The following EFCAB3 variants were observed in gnomAD, a reference collection of about 807,000 sequenced individuals.
EFCAB3 encodes EF-hand calcium binding domain 3.
A neutral mutation model predicts 42.2 loss-of-function variants in EFCAB3; 36 were observed. The ratio of observed to expected loss-of-function variants is 0.85; its 90% CI spans 0.65 to 1.13. The LOEUF (loss-of-function observed/expected upper bound fraction) is 1.13. EFCAB3 is among the 50% of genes most tolerant of loss of function. EFCAB3 has a pLI of 0.00. For synonymous variants in EFCAB3, 170 were observed against 172.8 expected, an observed-to-expected ratio of 0.98 and a Z score of 0.13; for missense variants, 418 against 505.1, an observed-to-expected ratio of 0.83 and a Z score of 1.65.
At chr17:62,400,713 G>A (rs1228120286) in intron 6 of EFCAB3, among the ~76,000 whole-genome samples, 2 of 152,150 alleles carry the variant, frequency 1.3e-5, no homozygotes, top group African/African-American at 4.8e-5. Context: ...CTCTATAGCA[G>A]CATGATTTAT....
chr17:62,389,936 G>A (rs1231368740), intron 3 of EFCAB3, among the ~76,000 whole-genome samples: 3 of 151,978 alleles, frequency 2.0e-5, no homozygotes, highest in Admixed American at 6.6e-5. Context: ...ACAGGCACCC[G>A]CCACCACGCT....
At chr17:62,371,102 G>GA (rs10537497) in intron 1 of EFCAB3, among the ~76,000 whole-genome samples, 94 of 148,074 alleles carry the variant, frequency 6.3e-4, no homozygotes, top group East Asian at 5.2e-3. Context: ...CTTAAAAAAA[G>GA]AAAAAAAAAA....
chr17:62,395,137 G>GAA lies in EFCAB3; in HGVS notation c.437_438insAA (p.Leu147SerfsTer3), dbSNP rs1177086913. The GAA allele has an allele frequency of 6.2e-7, 1 of 1,613,914 alleles. No individual in the cohort carries two copies. The highest frequency in any genetic ancestry group is 8.5e-7 in the Non-Finnish European group (1 of 1,180,018). On this transcript the variant is annotated frameshift_variant, in exon 6 of 10. Coordinates refer to ENST00000305286, the MANE Select transcript of EFCAB3 (RefSeq NM_173503.4). LOFTEE classifies it high-confidence loss of function. ...ATCCTATTGTTTGAAATCCTATCAA[G>GAA]GCTTCTAGAGACTTCAGCCCTACCC...
chr17:62,405,280 A>G (rs942866772), intron 6 of EFCAB3, among the ~76,000 whole-genome samples: 2 of 152,250 alleles, frequency 1.3e-5, no homozygotes, highest in African/African-American at 4.8e-5. Flanking sequence ...ATCATAAGTC[A>G]GACTCTAATC....
At chr17:62,374,536 C>G (rs2070136274) in intron 2 of EFCAB3, among the ~76,000 whole-genome samples, 1 of 152,070 alleles carries the variant, frequency 6.6e-6, no homozygotes, top group South Asian at 2.1e-4. Flanking sequence ...TACATAATCT[C>G]AGTACTTTTT....
chr17:62,378,058 G>T, upstream of EFCAB3: 1 of 1,485,366 alleles, frequency 6.7e-7, no homozygotes, highest in Non-Finnish European at 9.0e-7. Context: ...GTAAAGATGG[G>T]GCTTAATACT....
intron 6 of EFCAB3, among the ~76,000 whole-genome samples, chr17:62,404,424 G>A (rs1205322023): frequency 6.6e-6 from 1 of 152,168 alleles, no homozygotes; most frequent in African/African-American, 2.4e-5. Flanking sequence ...CTTGAGTCCA[G>A]GAGTTCAAGG....
Position 62,407,028 on chromosome 17 carries a change from G to A in EFCAB3, c.683G>A (p.Arg228Lys), listed in dbSNP as rs199979458. 14 of 1,569,860 alleles carry A rather than the reference G, an allele frequency of 8.9e-6. No individual in the cohort carries two copies. The part of the protein sequence containing the change: ...DLFKFLEELK[R>K]CNSGSDSPYS... ...ACCATTTTTGTTTTTATCTTTTTAG[G>A]ATGCAATTCCGGTTCAGATAGCCCA... is the stretch of plus-strand genomic sequence containing the variant. The change falls in exon 8 of 10, where the codon AGA becomes AAA. Residue 228 changes from arginine to lysine, a missense_variant and splice_region_variant. By Grantham distance (26) the Arg-to-Lys change is conservative. Transcript: ENST00000305286.
intron 6 of EFCAB3, among the ~76,000 whole-genome samples, chr17:62,395,503 G>A (rs1164395966): frequency 6.6e-6 from 1 of 152,066 alleles, no homozygotes; most frequent in Admixed American, 6.6e-5. Flanking sequence ...ACTTTTCCAG[G>A]AATAATTTTG....
chr17:62,395,281 C>T, intron 6 of EFCAB3, 93 bp downstream of exon 6: 2 of 1,506,372 alleles, frequency 1.3e-6, no homozygotes, highest in Non-Finnish European at 1.8e-6. Flanking sequence ...TCCAACTCCA[C>T]AGGGTCTGGT....
At position 62,415,866 on chromosome 17, in the gene EFCAB3, C is replaced by A. The variant is rs573539215; in HGVS notation, c.991-137C>A. Reference sequence around the variant, plus strand: ...TCACCTCCTAGCTCACACGTCCTCACGAGGCACCACCTAATGTATAGATTC... The same window carrying A: ...TCACCTCCTAGCTCACACGTCCTCAAGAGGCACCACCTAATGTATAGATTC... On this transcript the variant is annotated intron_variant, in intron 9 of 9. Transcript: ENST00000305286. 3 of 720,260 alleles carry A rather than the reference C, an allele frequency of 4.2e-6. No individual in the cohort carries two copies. The East Asian group carries it at 8.1e-5, about 19-fold the overall frequency. The allele number at this position is 720,260 out of a possible 1,614,324, so 44.6% of individuals were successfully genotyped here. A position where few individuals can be genotyped will look rare whatever the true frequency, so the allele number is the denominator to read the frequency against.
intron 3 of EFCAB3, among the ~76,000 whole-genome samples, chr17:62,391,185 C>T (rs1195513412): frequency 1.3e-5 from 2 of 152,098 alleles, no homozygotes; most frequent in Admixed American, 6.5e-5. Flanking sequence ...TGTTGGCCAG[C>T]CTGTCCTTAG....
chr17:62,395,279 C>T, intron 6 of EFCAB3, 91 bp downstream of exon 6: 1 of 1,513,624 alleles, frequency 6.6e-7, no homozygotes, highest in South Asian at 1.3e-5. Flanking sequence ...CATCCAACTC[C>T]ACAGGGTCTG....
At chr17:62,410,852 G>T (rs1178643625) in intron 8 of EFCAB3, among the ~76,000 whole-genome samples, 2 of 152,132 alleles carry the variant, frequency 1.3e-5, no homozygotes, top group Non-Finnish European at 1.5e-5. Context: ...ATTGAAACCA[G>T]TATCTGTAAG....
intron 2 of EFCAB3, among the ~76,000 whole-genome samples, chr17:62,385,843 C>T (rs572314126): frequency 6.0e-5 from 9 of 150,156 alleles, no homozygotes; most frequent in South Asian, 2.1e-4. Context: ...CCTCAGCCTC[C>T]GAAGTAGCTG....
chr17:62,394,970 C>T (rs538032411), intron 5 of EFCAB3, 98 bp from the exon 6 acceptor site: 4 of 1,477,754 alleles, frequency 2.7e-6, no homozygotes, highest in Admixed American at 2.1e-5. Context: ...CCTCTAGTTC[C>T]TGACTTGATA....
At chr17:62,408,757 C>T (rs1038504281) in intron 8 of EFCAB3, among the ~76,000 whole-genome samples, 1 of 152,176 alleles carries the variant, frequency 6.6e-6, no homozygotes, top group Non-Finnish European at 1.5e-5. Flanking sequence ...ATCTCATCAT[C>T]CACTGCTCAC....
chr17:62,411,966 T>C (rs1382513874), intron 8 of EFCAB3, among the ~76,000 whole-genome samples: 1 of 151,708 alleles, frequency 6.6e-6, no homozygotes, highest in African/African-American at 2.4e-5. Flanking sequence ...AAAAGTAGAC[T>C]AACAGGAGAC....
At chr17:62,406,244 G>GA (rs1166241274) in intron 6 of EFCAB3, among the ~76,000 whole-genome samples, 3 of 152,088 alleles carry the variant, frequency 2.0e-5, no homozygotes, top group Admixed American at 6.6e-5. Context: ...AAGCCTTGGG[G>GA]AAAAAAGGAG....
Sources: allele counts gnomAD v4.1 joint callset (sites outside exome capture counted in the v4.1 genomes callset), GRCh38; gene constraint gnomAD v4.1.1; transcripts MANE v1.5; gene names NCBI Gene and HGNC (gene_info 2026-07-23, HGNC 2026-07-21).